The following SNTG1 variants were observed in gnomAD, a reference collection of about 807,000 sequenced individuals.
The protein encoded by SNTG1 is syntrophin gamma 1.
SNTG1 carries 39 observed loss-of-function variants against 74.7 expected under a neutral mutation model. The ratio of observed to expected loss-of-function variants is 0.52; its 90% CI spans 0.40 to 0.68. The LOEUF is 0.68. SNTG1 is among the 30% of genes least tolerant of loss of function. SNTG1 has a pLI of 0.00. For synonymous variants in SNTG1, 254 were observed against 217.1 expected (o/e 1.17, Z -1.49); for missense variants, 685 against 609.5 (o/e 1.12, Z -1.30).
rs544404032 is a variant in SNTG1 at position 50,356,805 on chromosome 8, T to C, written c.-27-37407T>C. Among the ~76,000 whole-genome samples, 6 of 152,266 alleles carry C rather than the reference T, an allele frequency of 3.9e-5. No individual in the cohort carries two copies. In the East Asian group the frequency reaches 9.7e-4, roughly 25 times the overall value. ...TTTCAGAGGGTACCCATTCAAACCA[T>C]AGCATTTTTTAGTCTGATTCTTTAT... On this transcript the variant is annotated intron_variant, in intron 2 of 18. Coordinates refer to ENST00000642720, the MANE Select transcript of SNTG1 (RefSeq NM_018967.5).
At chr8:50,579,204 C>A (rs2094594471) in intron 12 of SNTG1, among the ~76,000 whole-genome samples, 1 of 152,150 alleles carries the variant, frequency 6.6e-6, no homozygotes, top group Non-Finnish European at 1.5e-5. Context: ...GAGTAAAGGT[C>A]ACTCTTGCTA....
At chr8:50,230,514 CATAATTTCGGAGCTTT>C (rs2085561896) in intron 2 of SNTG1, among the ~76,000 whole-genome samples, 1 of 151,218 alleles carries the variant, frequency 6.6e-6, no homozygotes, top group South Asian at 2.1e-4. Context: ...ATATCAAATA[CATAATTTCGGAGCTTT>C]ATTACTATTA....
intron 2 of SNTG1, among the ~76,000 whole-genome samples, chr8:50,353,678 C>G (rs2091736062): frequency 6.6e-6 from 1 of 152,104 alleles, no homozygotes; most frequent in African/African-American, 2.4e-5. Context: ...GTGTGGTGTG[C>G]TTTTATGTTG....
At chr8:50,724,111 A>G (rs942099995) in intron 17 of SNTG1, among the ~76,000 whole-genome samples, 1 of 152,196 alleles carries the variant, frequency 6.6e-6, no homozygotes, top group Non-Finnish European at 1.5e-5. Flanking sequence ...AAAAGCTTTT[A>G]TTCCATGGTG....
chr8:50,417,992 T>G (rs901207916), intron 4 of SNTG1, among the ~76,000 whole-genome samples: 1 of 152,126 alleles, frequency 6.6e-6, no homozygotes. Context: ...CATTTTCCAC[T>G]AGATCATTCT....
chr8:49,937,012 G>C (rs930755928), intron 1 of SNTG1, among the ~76,000 whole-genome samples: 2 of 152,112 alleles, frequency 1.3e-5, no homozygotes, highest in African/African-American at 2.4e-5. Context: ...CGCCGGACGT[G>C]GTGGCACTCG....
At chr8:50,735,950 GA>G (rs1422232642) in intron 17 of SNTG1, among the ~76,000 whole-genome samples, 1 of 152,082 alleles carries the variant, frequency 6.6e-6, no homozygotes, top group East Asian at 1.9e-4. Context: ...AGCTAGAAGA[GA>G]TTGGGGGCCA....
chr8:50,752,825 T>A (rs1400368886), intron 18 of SNTG1, among the ~76,000 whole-genome samples: 1 of 152,012 alleles, frequency 6.6e-6, no homozygotes, highest in Non-Finnish European at 1.5e-5. Flanking sequence ...TATGTTTAGA[T>A]TAGACACTCT....
chr8:50,351,911 A>G (rs557316041), intron 2 of SNTG1, among the ~76,000 whole-genome samples: 1 of 152,332 alleles, frequency 6.6e-6, no homozygotes, highest in East Asian at 1.9e-4. Flanking sequence ...GTTCATATGA[A>G]TTAAAAATAA....
intron 9 of SNTG1, among the ~76,000 whole-genome samples, chr8:50,529,761 A>G (rs2130307124): frequency 6.6e-6 from 1 of 152,204 alleles, no homozygotes; most frequent in Admixed American, 6.5e-5. Flanking sequence ...TTTTTGCATC[A>G]TGGAAAATTA....
At chr8:50,656,481 T>A (rs912321330) in intron 13 of SNTG1, among the ~76,000 whole-genome samples, 2 of 152,182 alleles carry the variant, frequency 1.3e-5, no homozygotes, top group South Asian at 4.1e-4. Flanking sequence ...CCATAAGATG[T>A]CTATCTGATT....
At chr8:50,163,308 T>C (rs1350813525) in intron 1 of SNTG1, among the ~76,000 whole-genome samples, 1 of 152,158 alleles carries the variant, frequency 6.6e-6, no homozygotes, top group Non-Finnish European at 1.5e-5. Context: ...ATAACCTATA[T>C]AACCTATTGA....
intron 15 of SNTG1, among the ~76,000 whole-genome samples, chr8:50,679,487 C>G (rs1333914968): frequency 6.6e-6 from 1 of 152,100 alleles, no homozygotes; most frequent in East Asian, 1.9e-4. Flanking sequence ...TCTGTTTAAA[C>G]TAGTCACTTT....
intron 5 of SNTG1, among the ~76,000 whole-genome samples, chr8:50,442,753 C>T (rs1409846135): frequency 6.7e-6 from 1 of 149,324 alleles, no homozygotes; most frequent in African/African-American, 2.5e-5. Context: ...ACAAAAAGCC[C>T]TATCTGGGCT....
intron 2 of SNTG1, among the ~76,000 whole-genome samples, chr8:50,318,995 A>G (rs570746662): frequency 6.6e-6 from 1 of 151,926 alleles, no homozygotes; most frequent in East Asian, 1.9e-4. Flanking sequence ...GTATATGTAT[A>G]TGTGTGTATA....
intron 1 of SNTG1, among the ~76,000 whole-genome samples, chr8:50,017,754 A>C (rs971024595): frequency 6.6e-6 from 1 of 152,018 alleles, no homozygotes; most frequent in Non-Finnish European, 1.5e-5. Flanking sequence ...CCTCAAATTT[A>C]ATGAAGCAAA....
intron 2 of SNTG1, among the ~76,000 whole-genome samples, chr8:50,244,178 C>T (rs1430256242): frequency 6.6e-6 from 1 of 152,034 alleles, no homozygotes; most frequent in Non-Finnish European, 1.5e-5. Flanking sequence ...CCATAATTTA[C>T]AACACGCAGA....
At chr8:50,416,458 A>G (rs1454531132) in intron 4 of SNTG1, among the ~76,000 whole-genome samples, 1 of 152,118 alleles carries the variant, frequency 6.6e-6, no homozygotes, top group Admixed American at 6.6e-5. Context: ...TTCTTACTTA[A>G]GAGCATAAAT....
chr8:50,465,508 T>C (rs984491102), intron 8 of SNTG1, among the ~76,000 whole-genome samples: 2 of 152,156 alleles, frequency 1.3e-5, no homozygotes, highest in African/African-American at 4.8e-5. Flanking sequence ...ATTCAATGGG[T>C]TTTGACACCT....
Sources: gnomAD v4.1 joint callset for allele counts (sites outside exome capture counted in the v4.1 genomes callset) on GRCh38, gnomAD v4.1.1 for gene constraint, MANE v1.5 for transcripts, NCBI Gene and HGNC (gene_info 2026-07-23, HGNC 2026-07-21) for gene names.